CSGALNACT1: variants seen among roughly 807,000 people sequenced by gnomAD.
CSGALNACT1 encodes the protein chondroitin sulfate N-acetylgalactosaminyltransferase 1.
Under a neutral mutation model 51.0 loss-of-function variants are expected in CSGALNACT1, and 52 were observed. The ratio of observed to expected loss-of-function variants is 1.02; its 90% CI spans 0.82 to 1.29. The LOEUF (loss-of-function observed/expected upper bound fraction) is 1.29, where lower values mean the gene tolerates loss of function less well. CSGALNACT1 is among the 50% of genes most tolerant of loss of function. The pLI is 0.00. For synonymous variants in CSGALNACT1, 341 were observed against 254.4 expected (o/e 1.34, Z -3.24); for missense variants, 935 against 679.2 (o/e 1.38, Z -4.19).
intron 1 of CSGALNACT1, among the ~76,000 whole-genome samples, chr8:19,712,803 C>T (rs1412485046): frequency 6.6e-6 from 1 of 152,124 alleles, no homozygotes; most frequent in African/African-American, 2.4e-5. Context: ...AAGGCATAGA[C>T]AGTTAACAGA....
intron 1 of CSGALNACT1, among the ~76,000 whole-genome samples, chr8:19,629,939 G>A (rs1273581071): frequency 6.6e-6 from 1 of 152,168 alleles, no homozygotes; most frequent in African/African-American, 2.4e-5. Context: ...CAGTAGGCCA[G>A]GCATAGAATC....
intron 2 of CSGALNACT1, among the ~76,000 whole-genome samples, chr8:19,601,137 C>G (rs557797960): frequency 2.9e-4 from 44 of 152,182 alleles, no homozygotes; most frequent in South Asian, 1.5e-3. Context: ...TGCATAGAAA[C>G]TCAAAATTAC....
At chr8:19,477,591 T>C (rs1450589771) in intron 4 of CSGALNACT1, among the ~76,000 whole-genome samples, 1 of 152,186 alleles carries the variant, frequency 6.6e-6, no homozygotes, top group African/African-American at 2.4e-5. Flanking sequence ...AACTCTAACT[T>C]ATTAGTAATT....
chr8:19,626,182 T>C (rs1265378829), intron 1 of CSGALNACT1, among the ~76,000 whole-genome samples: 4 of 152,212 alleles, frequency 2.6e-5, no homozygotes, highest in Non-Finnish European at 5.9e-5. Context: ...ACTGTGTAAC[T>C]ATAGTAATCA....
In CSGALNACT1 at chr8:19,422,246, G is replaced by A. The variant is rs1456339207; in HGVS notation, c.954-1728C>T. Among the ~76,000 whole-genome samples, 3 of 152,144 alleles carry A rather than the reference G, an allele frequency of 2.0e-5. No homozygotes were observed. The East Asian group carries it at 5.8e-4, about 29-fold the overall frequency. On this transcript the variant is annotated intron_variant, in intron 6 of 9. Coordinates refer to ENST00000454498, the Ensembl canonical transcript of CSGALNACT1. The stretch of plus-strand genomic sequence containing the variant: ...GCTCTGTCACCCAGGCTGGAGTGCA[G>A]TGGCATGATCATAGCTCACTACAGC...
At chr8:19,551,602 T>C (rs1017735279) in intron 3 of CSGALNACT1, among the ~76,000 whole-genome samples, 3 of 152,214 alleles carry the variant, frequency 2.0e-5, no homozygotes, top group South Asian at 2.1e-4. Context: ...TCCAGTCTGG[T>C]TTGCTTACAG....
At chr8:19,590,387 G>T (rs978081521) in intron 3 of CSGALNACT1, among the ~76,000 whole-genome samples, 2 of 152,096 alleles carry the variant, frequency 1.3e-5, no homozygotes, top group Admixed American at 6.6e-5. Flanking sequence ...TCCTTTTGGC[G>T]ATATCTTATC....
rs80347666 is a variant in CSGALNACT1 at position 19,524,201 on chromosome 8, G to T, written c.-296-18071C>A. On this transcript the variant is annotated intron_variant, in intron 3 of 9. Coordinates refer to ENST00000454498, the Ensembl canonical transcript of CSGALNACT1. ...GCTCCTTGGAAGGATGAGGCAGGAG[G>T]ATCGCTTGAGCCCAGGAGTTCAATG... 6.6e-5 allele frequency among the ~76,000 whole-genome samples: 10 copies of T among 152,152 alleles called. No individual in the cohort carries two copies. The East Asian group carries it at 1.9e-3, about 29-fold the overall frequency.
At chr8:19,603,268 G>A (rs1468677880), upstream of CSGALNACT1, among the ~76,000 whole-genome samples, 1 of 152,154 alleles carries the variant, frequency 6.6e-6, no homozygotes, top group Non-Finnish European at 1.5e-5. Context: ...GGTTTTCTCT[G>A]ACTCACTGAC....
chr8:19,430,623 A>T lies in CSGALNACT1; in HGVS notation c.953+9207T>A, dbSNP rs151206872. On this transcript the variant is annotated intron_variant, in intron 6 of 9. Transcript: ENST00000454498. ...ACTGTAATTTTATAATAAGTTTTGA[A>T]ATTGAGAGTATGAGTCCTCCAATTT... is the stretch of plus-strand genomic sequence containing the variant. Among the ~76,000 whole-genome samples, 66 of 152,222 alleles carry T rather than the reference A, an allele frequency of 4.3e-4. No homozygotes were observed. In the East Asian group the frequency reaches 0.012, roughly 27 times the overall value.
At chr8:19,598,140 C>CA (rs2049377312) in intron 2 of CSGALNACT1, among the ~76,000 whole-genome samples, 1 of 152,114 alleles carries the variant, frequency 6.6e-6, no homozygotes, top group Non-Finnish European at 1.5e-5. Context: ...AGGTAGAACC[C>CA]AACTCAATGA....
In CSGALNACT1 at chr8:19,505,630, G is replaced by C; in HGVS notation, c.205C>G (p.Arg69Gly). 1 of 1,614,106 alleles carries C rather than the reference G, an allele frequency of 6.2e-7. No homozygotes were observed. Among genetic ancestry groups the C allele is most frequent in the African/African-American group, 1.3e-5 (1 of 75,042 alleles). The change falls in exon 4 of 10, where the codon CGC becomes GGC. Residue 69 changes from arginine (R) to glycine (G), a missense_variant. Arg to Gly is a moderately radical substitution (Grantham distance 125). Transcript: ENST00000454498. ...CGCTTCAGGCTGCTCACGTAGTTGC[G>C]GTGCTGCTCCTCCCACTCCTGAAGG...
intron 1 of CSGALNACT1, among the ~76,000 whole-genome samples, chr8:19,647,560 C>T (rs2057391288): frequency 6.6e-6 from 1 of 152,214 alleles, no homozygotes; most frequent in African/African-American, 2.4e-5. Flanking sequence ...AAATGGATTA[C>T]AAATGTGCAT....
At chr8:19,467,108 G>C (rs950980985) in intron 4 of CSGALNACT1, among the ~76,000 whole-genome samples, 2 of 125,988 alleles carry the variant, frequency 1.6e-5, no homozygotes, top group East Asian at 2.3e-4. Context: ...ACTAGCAGCT[G>C]ACTTTTTTTT....
chr8:19,494,837 G>C (rs1238803279), intron 4 of CSGALNACT1, among the ~76,000 whole-genome samples: 3 of 137,362 alleles, frequency 2.2e-5, no homozygotes, highest in Admixed American at 8.5e-5. Context: ...ACGTTAGAAA[G>C]TCCATTTCTT....
chr8:19,697,692 C>T (rs2061653794), intron 1 of CSGALNACT1, among the ~76,000 whole-genome samples: 1 of 151,944 alleles, frequency 6.6e-6, no homozygotes, highest in Non-Finnish European at 1.5e-5. Flanking sequence ...TTGCTGGGAC[C>T]GAGCAGAGTC....
intron 3 of CSGALNACT1, among the ~76,000 whole-genome samples, chr8:19,519,007 C>G (rs143112607): frequency 6.6e-6 from 1 of 152,208 alleles, no homozygotes; most frequent in Admixed American, 6.5e-5. Flanking sequence ...AAGGGGGGAA[C>G]TGACGATGAG....
At chr8:19,514,057 G>A (rs2079003416) in intron 3 of CSGALNACT1, among the ~76,000 whole-genome samples, 2 of 152,094 alleles carry the variant, frequency 1.3e-5, no homozygotes, top group Admixed American at 1.3e-4. Flanking sequence ...TTTCCATTGA[G>A]ACTTTCATTA....
chr8:19,755,464 A>AAAAAAAAAAAAAAAAAAAAAAAAAAC (rs2065303928), intron 1 of CSGALNACT1, among the ~76,000 whole-genome samples: 1 of 123,100 alleles, frequency 8.1e-6, no homozygotes, highest in Non-Finnish European at 1.7e-5. Context: ...GACAAAAAAA[A>AAAAAAAAAAAAAAAAAAAAAAAAAAC]AAAAAAAAAA....
Sources: allele counts gnomAD v4.1 joint callset (sites outside exome capture counted in the v4.1 genomes callset), GRCh38; gene constraint gnomAD v4.1.1; transcripts MANE v1.5; gene names NCBI Gene and HGNC (gene_info 2026-07-23, HGNC 2026-07-21).